Variants in HEPHL1 observed in about 807,000 individuals in gnomAD.
HEPHL1 encodes the protein ferroxidase HEPHL1.
HEPHL1 carries 123 observed loss-of-function variants against 122.0 expected under a neutral mutation model. The ratio of observed to expected loss-of-function variants is 1.01; its 90% confidence interval spans 0.87 to 1.17. The LOEUF (loss-of-function observed/expected upper bound fraction) is 1.17, where lower values mean the gene tolerates loss of function less well. Ranked by LOEUF, HEPHL1 falls within the 50% of genes most tolerant of loss-of-function variation. HEPHL1 has a pLI of 0.00. For synonymous variants in HEPHL1, 527 were observed against 508.9 expected, an observed-to-expected ratio of 1.04 and a Z score of -0.48; for missense variants, 1,452 against 1,430.5, an observed-to-expected ratio of 1.01 and a Z score of -0.24.
At chr11:94,027,191 G>A (rs1030134190) in intron 1 of HEPHL1, among the ~76,000 whole-genome samples, 2 of 152,128 alleles carry the variant, frequency 1.3e-5, no homozygotes, top group East Asian at 1.9e-4. Flanking sequence ...GCCTATCTTT[G>A]CCTCTTACTT....
At chr11:94,095,929 T>A (rs1946308051) in intron 13 of HEPHL1, among the ~76,000 whole-genome samples, 1 of 152,182 alleles carries the variant, frequency 6.6e-6, no homozygotes, top group Admixed American at 6.5e-5. Flanking sequence ...GCTGAGACAA[T>A]GGGGTTTTCT....
Position 94,113,560 on chromosome 11 carries a change from T to C in HEPHL1, c.*1666T>C, listed in dbSNP as rs965607835. On this transcript the variant is annotated 3_prime_UTR_variant, in exon 20 of 20. Transcript: ENST00000315765. ...GACAATGTGATTTCATAGTACATGT[T>C]CTACAGTTTTCATACATGTGTAGGC... is the stretch of plus-strand genomic sequence containing the variant. 1 of 152,260 alleles carries C rather than the reference T, an allele frequency of 6.6e-6. No homozygotes were observed. The highest frequency in any genetic ancestry group is 1.5e-5 in the Non-Finnish European group (1 of 68,048). 9.4% of individuals were successfully genotyped at this position (152,260 alleles called of 1,614,324 possible). A position where few individuals can be genotyped will look rare whatever the true frequency, so the allele number is the denominator to read the frequency against.
At position 94,044,539 on chromosome 11, in the gene HEPHL1, C is replaced by T. The variant is rs139127891; in HGVS notation, c.171-1134C>T. ...GGAATTAAACTTGTCAGTCTATCTC[C>T]GGAACTTACCTGCATCCTTATCTCT... On this transcript the variant is annotated intron_variant, in intron 1 of 19. Transcript: ENST00000315765. 1.6e-4 allele frequency among the ~76,000 whole-genome samples: 24 copies of T among 152,184 alleles called. No individual in the cohort carries two copies. The South Asian group carries it at 3.5e-3, about 22-fold the overall frequency.
At chr11:94,056,994 G>A (rs1945943248) in intron 2 of HEPHL1, among the ~76,000 whole-genome samples, 1 of 151,954 alleles carries the variant, frequency 6.6e-6, no homozygotes, top group African/African-American at 2.4e-5. Context: ...AGAACATCTT[G>A]CCTTTAGTTT....
chr11:94,097,574 T>G (rs1946328443), intron 13 of HEPHL1, among the ~76,000 whole-genome samples: 1 of 152,166 alleles, frequency 6.6e-6, no homozygotes, highest in African/African-American at 2.4e-5. Flanking sequence ...GATATCCTTG[T>G]TAACTTTCTG....
intron 7 of HEPHL1, 43 bp downstream of exon 7, chr11:94,073,207 T>G: frequency 6.2e-7 from 1 of 1,610,458 alleles, no homozygotes. Context: ...CAGGGAGATG[T>G]TTTAGCTGGG....
Position 94,073,289 on chromosome 11 carries a change from C to T in HEPHL1, c.1373-19C>T. 1 of 1,609,398 alleles carries T rather than the reference C, an allele frequency of 6.2e-7. No individual in the cohort carries two copies. The highest frequency in any genetic ancestry group is 8.5e-7 in the Non-Finnish European group (1 of 1,177,716). On this transcript the variant is annotated intron_variant, in intron 7 of 19. Coordinates refer to ENST00000315765, the MANE Select transcript of HEPHL1 (RefSeq NM_001098672.2). ...CTCTTTTCATTCTCTTCTCTCTCTT[C>T]TTCTGGATATTTTTTCAGGCCCAGT...
intron 14 of HEPHL1, among the ~76,000 whole-genome samples, chr11:94,102,589 G>T (rs918965353): frequency 6.6e-6 from 1 of 152,204 alleles, no homozygotes; most frequent in African/African-American, 2.4e-5. Context: ...TGTGCTCAAG[G>T]ACAGCTCTTG....
intron 2 of HEPHL1, among the ~76,000 whole-genome samples, 164 bp downstream of exon 2, chr11:94,046,081 C>T (rs1945833831): frequency 1.3e-5 from 1 of 76,526 alleles, no homozygotes; most frequent in African/African-American, 4.5e-5. Context: ...TCTCTCTCTT[C>T]CCTTTCTTGC....
At position 94,088,707 on chromosome 11, in the gene HEPHL1, A is replaced by G. The variant is rs778139070; in HGVS notation, c.2081-48A>G. The G allele has an allele frequency of 3.4e-6, 5 of 1,460,832 alleles. No individual in the cohort carries two copies. The African/African-American group carries it at 7.0e-5, about 20-fold the overall frequency. 90.5% of individuals were successfully genotyped at this position (1,460,832 alleles called of 1,614,324 possible). ...GTTTGCTAAAAACAGACCATCACCA[A>G]CAAAAATACCGAGCACCACACTCAA... On this transcript the variant is annotated intron_variant, in intron 11 of 19. Coordinates refer to ENST00000315765, the MANE Select transcript of HEPHL1 (RefSeq NM_001098672.2).
intron 8 of HEPHL1, among the ~76,000 whole-genome samples, chr11:94,074,742 A>G (rs1325403778): frequency 6.6e-6 from 1 of 152,178 alleles, no homozygotes; most frequent in East Asian, 1.9e-4. Context: ...AGTTATTTGG[A>G]TGATTTCCAA....
intron 2 of HEPHL1, among the ~76,000 whole-genome samples, chr11:94,059,097 C>T (rs1945963117): frequency 6.6e-6 from 1 of 152,122 alleles, no homozygotes; most frequent in South Asian, 2.1e-4. Flanking sequence ...TTTTCACAGA[C>T]TTTTTTCTAT....
chr11:94,071,439 C>A (rs1404619369), intron 6 of HEPHL1, among the ~76,000 whole-genome samples: 1 of 152,126 alleles, frequency 6.6e-6, no homozygotes. Flanking sequence ...GTGAAAGACT[C>A]TGATATCAAC....
rs752706601 is a variant in HEPHL1 at position 94,070,469 on chromosome 11, GA to G, written c.1165del (p.Ile389PhefsTer18). The G allele has an allele frequency of 3.2e-5, 52 of 1,610,302 alleles. No homozygotes were observed. The highest frequency in any genetic ancestry group is 4.2e-5 in the Non-Finnish European group (50 of 1,178,190). On this transcript the variant is annotated frameshift_variant, in exon 6 of 20. Coordinates refer to ENST00000315765, the MANE Select transcript of HEPHL1 (RefSeq NM_001098672.2). LOFTEE classifies it high-confidence loss of function. ...GQQRRYFIAA[E>X]KILWDYAPQG... ...ACAGAGGCGCTACTTTATAGCAGCT[GA>G]AAAAATTCTTTGGGATTATGCTCCT...
intron 6 of HEPHL1, among the ~76,000 whole-genome samples, chr11:94,070,900 G>C (rs1735434141): frequency 6.6e-6 from 1 of 152,094 alleles, no homozygotes; most frequent in Admixed American, 6.6e-5. Context: ...TCTTGAAGAG[G>C]GAATGACAGG....
chr11:94,064,295 G>C, intron 3 of HEPHL1, 36 bp from the exon 4 acceptor site: 1 of 1,534,906 alleles, frequency 6.5e-7, no homozygotes, highest in East Asian at 2.3e-5. Context: ...TCTTGATTTA[G>C]TTCTTTCTCT....
intron 1 of HEPHL1, among the ~76,000 whole-genome samples, chr11:94,022,797 G>A (rs117931652): frequency 0.018 from 2,792 of 152,302 alleles, 44 homozygotes; most frequent in Non-Finnish European, 0.024. Flanking sequence ...TACCAAAAAT[G>A]CCAGGAGCCT....
intron 1 of HEPHL1, among the ~76,000 whole-genome samples, chr11:94,034,280 G>A (rs926293321): frequency 1.3e-5 from 2 of 152,100 alleles, no homozygotes; most frequent in Non-Finnish European, 2.9e-5. Context: ...TGCTCCATGC[G>A]GGATGGATTC....
chr11:94,076,861 T>C (rs1946129740), intron 9 of HEPHL1, among the ~76,000 whole-genome samples: 1 of 152,132 alleles, frequency 6.6e-6, no homozygotes, highest in Admixed American at 6.6e-5. Flanking sequence ...AGGTACAGAA[T>C]GTCATTTACT....
Sources: allele counts gnomAD v4.1 joint callset (sites outside exome capture counted in the v4.1 genomes callset), GRCh38; gene constraint gnomAD v4.1.1; transcripts MANE v1.5; gene names NCBI Gene and HGNC (gene_info 2026-07-23, HGNC 2026-07-21).